The following AGBL1 variants were observed in gnomAD, a reference collection of about 807,000 sequenced individuals.
AGBL1 encodes the protein AGBL carboxypeptidase 1, also known as cytosolic carboxypeptidase 4.
Under a neutral mutation model 118.9 loss-of-function variants are expected in AGBL1, and 130 were observed. The observed-to-expected ratio is 1.09, with a 90% CI of 0.95 to 1.26. The LOEUF (loss-of-function observed/expected upper bound fraction) is 1.26. AGBL1 is among the 50% of genes most tolerant of loss of function. AGBL1 has a pLI of 0.00. For synonymous variants in AGBL1, 555 were observed against 478.9 expected (o/e 1.16, Z -2.08); for missense variants, 1,584 against 1,298.1 (o/e 1.22, Z -3.38).
chr15:86,457,724 G>T (rs1165944557), intron 18 of AGBL1, among the ~76,000 whole-genome samples: 24 of 152,160 alleles, frequency 1.6e-4, no homozygotes, highest in Admixed American at 1.6e-3. Flanking sequence ...ATATAGTTTT[G>T]TTGGTTGAAA....
intron 14 of AGBL1, among the ~76,000 whole-genome samples, chr15:86,270,299 C>A (rs1217948332): frequency 6.6e-6 from 1 of 152,162 alleles, no homozygotes; most frequent in African/African-American, 2.4e-5. Context: ...CTTCTGGATT[C>A]CCTCGCTCTA....
At chr15:86,253,453 G>T (rs566581204) in intron 7 of AGBL1, among the ~76,000 whole-genome samples, 1 of 152,194 alleles carries the variant, frequency 6.6e-6, no homozygotes, top group East Asian at 1.9e-4. Context: ...ATTTCACCTT[G>T]TTGGCCAGGC....
At position 86,613,972 on chromosome 15, in the gene AGBL1, T is replaced by C. The variant is rs987164441; in HGVS notation, c.2994+59435T>C. ...CCATCTCCTAAGGGAGGTGGGGTAA[T>C]GTGCTGCTGCAAACTTTGTACGGTA... On this transcript the variant is annotated intron_variant, in intron 21 of 22. Transcript: ENST00000614907. This position sits in a 1 kb window ranked among gnomAD's most constrained non-coding sequence, Gnocchi z 4.2. 2.6e-5 allele frequency among the ~76,000 whole-genome samples: 4 copies of C among 152,310 alleles called. No homozygotes were observed. Among genetic ancestry groups the C allele is most frequent in the African/African-American group, 9.6e-5 (4 of 41,576 alleles).
chr15:86,902,605 T>G (rs1471185478), intron 22 of AGBL1, among the ~76,000 whole-genome samples: 1 of 151,892 alleles, frequency 6.6e-6, no homozygotes, highest in Non-Finnish European at 1.5e-5. Context: ...ACCAAAAAAT[T>G]ATCAAAAATT....
intron 5 of AGBL1, among the ~76,000 whole-genome samples, chr15:86,173,982 G>C (rs1264993400): frequency 1.3e-5 from 2 of 152,218 alleles, no homozygotes; most frequent in East Asian, 3.9e-4. Context: ...TGTGAAGGAT[G>C]TCATTGGTAT....
intron 22 of AGBL1, among the ~76,000 whole-genome samples, chr15:86,884,780 C>A (rs1480418835): frequency 6.6e-6 from 1 of 151,880 alleles, no homozygotes; most frequent in Non-Finnish European, 1.5e-5. Flanking sequence ...CCACTGCACT[C>A]CAGCCTGGGT....
chr15:86,084,774 A>G (rs551884928), intron 1 of AGBL1, among the ~76,000 whole-genome samples: 1 of 152,264 alleles, frequency 6.6e-6, no homozygotes, highest in Non-Finnish European at 1.5e-5. Flanking sequence ...ATTTGGGTCA[A>G]CTGGATGTTT....
intron 1 of AGBL1, among the ~76,000 whole-genome samples, chr15:86,136,406 G>C (rs996357519): frequency 6.6e-6 from 1 of 152,194 alleles, no homozygotes; most frequent in Non-Finnish European, 1.5e-5. Flanking sequence ...TGCCTCACTT[G>C]GTGGGGCACC....
intron 17 of AGBL1, among the ~76,000 whole-genome samples, chr15:86,390,660 A>ATT (rs756052402): frequency 0.054 from 4,075 of 75,402 alleles, 761 homozygotes; most frequent in South Asian, 0.072. Flanking sequence ...ATACTGTATG[A>ATT]TTTTTTTTTT....
intron 22 of AGBL1, among the ~76,000 whole-genome samples, chr15:86,841,847 CAAAAAA>C (rs1185130304): frequency 6.6e-6 from 1 of 151,824 alleles, no homozygotes; most frequent in Non-Finnish European, 1.5e-5. Flanking sequence ...AACTCCATCT[CAAAAAA>C]TAAAAATAAA....
chr15:86,671,361 C>G (rs1213290380), intron 21 of AGBL1, among the ~76,000 whole-genome samples: 2 of 152,116 alleles, frequency 1.3e-5, no homozygotes. Context: ...CTACCTTTTC[C>G]TCAAATTTAT....
chr15:86,716,301 TA>T (rs1349579683), intron 22 of AGBL1, among the ~76,000 whole-genome samples: 2 of 151,894 alleles, frequency 1.3e-5, no homozygotes, highest in Non-Finnish European at 2.9e-5. Context: ...TTTTTTTTTT[TA>T]AGTTAGCATT....
chr15:86,152,458 C>T (rs916050272), intron 3 of AGBL1, among the ~76,000 whole-genome samples: 37 of 152,216 alleles, frequency 2.4e-4, no homozygotes, highest in South Asian at 8.3e-4. Context: ...AACTGGCCAG[C>T]GATATGTAGA....
chr15:86,228,176 T>C (rs1343403160), intron 6 of AGBL1, among the ~76,000 whole-genome samples: 4 of 152,186 alleles, frequency 2.6e-5, no homozygotes, highest in Non-Finnish European at 5.9e-5. Context: ...CTATATGTCA[T>C]GTATAGTTAA....
intron 18 of AGBL1, among the ~76,000 whole-genome samples, chr15:86,493,470 G>C (rs2082809105): frequency 6.6e-6 from 1 of 151,980 alleles, no homozygotes; most frequent in South Asian, 2.1e-4. Context: ...AGATGAAGGG[G>C]AGAGCATGCC....
intron 22 of AGBL1, among the ~76,000 whole-genome samples, chr15:86,886,422 G>T (rs976160674): frequency 2.0e-5 from 3 of 152,176 alleles, no homozygotes; most frequent in African/African-American, 7.2e-5. Context: ...TGTAATGAAA[G>T]CAGCAGAGAT....
intron 1 of AGBL1, 146 bp from the exon 2 acceptor site, chr15:86,141,858 C>G: frequency 4.0e-6 from 3 of 754,396 alleles, no homozygotes; most frequent in African/African-American, 3.5e-5. Flanking sequence ...GGTCTCTTAC[C>G]AAGTGAATCC....
chr15:86,494,909 T>C (rs1157822328), intron 18 of AGBL1, among the ~76,000 whole-genome samples: 1 of 151,472 alleles, frequency 6.6e-6, no homozygotes, highest in African/African-American at 2.4e-5. Context: ...TGCTAATATT[T>C]AACAAAGTTT....
chr15:86,428,361 T>A (rs1390789488), intron 18 of AGBL1, among the ~76,000 whole-genome samples: 1 of 152,124 alleles, frequency 6.6e-6, no homozygotes, highest in African/African-American at 2.4e-5. Context: ...TATCCCAAAG[T>A]AGGGGAAATA....
Sources: allele counts gnomAD v4.1 joint callset (sites outside exome capture counted in the v4.1 genomes callset), GRCh38; gene constraint gnomAD v4.1.1; non-coding constraint Gnocchi (gnomAD v3.1); transcripts MANE v1.5; gene names NCBI Gene and HGNC (gene_info 2026-07-23, HGNC 2026-07-21).